Variants in KICS2 observed in about 807,000 individuals in gnomAD.
The protein encoded by KICS2 is KICSTOR subunit 2.
KICS2 carries 13 observed loss-of-function variants against 31.4 expected under a neutral mutation model. The ratio of observed to expected loss-of-function variants is 0.41; its 90% confidence interval spans 0.27 to 0.66. The LOEUF (loss-of-function observed/expected upper bound fraction) is 0.66. Ranked by LOEUF, KICS2 falls within the 30% of genes least tolerant of loss-of-function variation. The probability of loss-of-function intolerance (pLI) is 0.28; values close to 1 mark genes in which losing one functional copy is unlikely to be tolerated. For missense variants in KICS2, 455 were observed against 545.4 expected, an observed-to-expected ratio of 0.83 and a Z score of 1.65; for synonymous variants, 209 against 214.8, an observed-to-expected ratio of 0.97 and a Z score of 0.24.
intron 2 of KICS2, among the ~76,000 whole-genome samples, chr12:64,207,007 A>G (rs1712930001): frequency 6.6e-6 from 1 of 152,146 alleles, no homozygotes; most frequent in Admixed American, 6.6e-5. Flanking sequence ...ACATAAAAAA[A>G]GTTAAAATGG....
chr12:64,213,363 G>C (rs993511658), intron 2 of KICS2, among the ~76,000 whole-genome samples: 19 of 152,060 alleles, frequency 1.2e-4, no homozygotes, highest in Non-Finnish European at 2.5e-4. Context: ...ATACACAAAA[G>C]AATATGGGCT....
chr12:64,193,800 G>A lies in KICS2; in HGVS notation c.*42C>T, dbSNP rs1469449690. The A allele has an allele frequency of 6.4e-7, 1 of 1,567,520 alleles. No individual in the cohort carries two copies. The highest frequency in any genetic ancestry group is 1.8e-5 in the Admixed American group (1 of 54,300). ...CACCGTAGATCATTAGGGCAATTAA[G>A]AACAGTTTCTAGTCTTGAAACCCCT... On this transcript the variant is annotated 3_prime_UTR_variant, in exon 3 of 3. Transcript: ENST00000398055.
intron 2 of KICS2, among the ~76,000 whole-genome samples, chr12:64,201,631 A>AGC (rs200185465): frequency 3.4e-4 from 50 of 148,258 alleles, no homozygotes; most frequent in African/African-American, 1.3e-3. Flanking sequence ...AAAAAAAAAA[A>AGC]AACAAAATGG....
chr12:64,204,635 A>C (rs948842267), intron 2 of KICS2, among the ~76,000 whole-genome samples: 3 of 152,216 alleles, frequency 2.0e-5, no homozygotes, highest in Non-Finnish European at 2.9e-5. Flanking sequence ...AAAAACTTAA[A>C]GTATAAAAAA....
chr12:64,209,187 AATAATT>A (rs1209484404), intron 2 of KICS2, among the ~76,000 whole-genome samples: 3 of 152,036 alleles, frequency 2.0e-5, no homozygotes, highest in Non-Finnish European at 4.4e-5. Context: ...AAACTTATAT[AATAATT>A]ATATTATTAA....
At chr12:64,219,500 G>A (rs2037659389) in intron 1 of KICS2, among the ~76,000 whole-genome samples, 1 of 152,122 alleles carries the variant, frequency 6.6e-6, no homozygotes, top group Non-Finnish European at 1.5e-5. Flanking sequence ...TAAAGGCCCT[G>A]CTTGCTTCTT....
chr12:64,196,284 TCCTGACC>T (rs200498026), intron 2 of KICS2, among the ~76,000 whole-genome samples: 63,621 of 145,406 alleles, frequency 0.44, 12,561 homozygotes, highest in Non-Finnish European at 0.48. Flanking sequence ...TCAAGTGGGT[TCCTGACC>T]CCTGACCCCC....
intron 1 of KICS2, among the ~76,000 whole-genome samples, chr12:64,219,244 T>C (rs1261393974): frequency 6.6e-6 from 1 of 152,170 alleles, no homozygotes; most frequent in Non-Finnish European, 1.5e-5. Flanking sequence ...TCTACTATGC[T>C]AAATTTCAGC....
At chr12:64,205,009 T>C (rs757096492) in intron 2 of KICS2, 8 of 152,232 alleles carry the variant, frequency 5.3e-5, no homozygotes, top group Non-Finnish European at 1.0e-4. Flanking sequence ...TTTAGGCCCC[T>C]TGACACTTAT....
At chr12:64,208,272 G>C (rs1275970979) in intron 2 of KICS2, among the ~76,000 whole-genome samples, 1 of 152,248 alleles carries the variant, frequency 6.6e-6, no homozygotes, top group Non-Finnish European at 1.5e-5. Flanking sequence ...GCCTCCCAAA[G>C]TGCTGGGATT....
Position 64,193,223 on chromosome 12 carries a change from G to A in KICS2, c.*619C>T, listed in dbSNP as rs2037398344. 1 of 985,352 alleles carries A rather than the reference G, an allele frequency of 1.0e-6. No individual in the cohort carries two copies. The highest frequency in any genetic ancestry group is 6.2e-5 in the Admixed American group (1 of 16,256). 61.0% of individuals were successfully genotyped at this position (985,352 alleles called of 1,614,324 possible). A position where few individuals can be genotyped will look rare whatever the true frequency, so the allele number is the denominator to read the frequency against. ...AACCCATGGCTATTAAAGCTGCCAT[G>A]AGGATCTTCTGAACTGTTAAAACCT... On this transcript the variant is annotated 3_prime_UTR_variant, in exon 3 of 3. Transcript: ENST00000398055.
Position 64,192,130 on chromosome 12 carries a change from CTT to C in KICS2, c.*1710_*1711del, listed in dbSNP as rs568712559. ...CAGTAGATTCTTGGTTCTTCTTCTT[CTT>C]TTTTTTTTTTTGAGACAGGTCTCGC... On this transcript the variant is annotated 3_prime_UTR_variant, in exon 3 of 3. Transcript: ENST00000398055. The C allele has an allele frequency of 1.3e-4, 17 of 134,822 alleles. No individual in the cohort carries two copies. The highest frequency in any genetic ancestry group is 8.0e-5 in the Non-Finnish European group (5 of 62,568). The allele number at this position is 134,822 out of a possible 1,614,324, so 8.4% of individuals were successfully genotyped here.
intron 2 of KICS2, among the ~76,000 whole-genome samples, chr12:64,202,225 GA>G (rs2037497055): frequency 6.6e-6 from 1 of 152,084 alleles, no homozygotes; most frequent in African/African-American, 2.4e-5. Context: ...GGGCAACATG[GA>G]AAAACTCCAT....
downstream of KICS2, chr12:64,187,677 T>A (rs1443344436): frequency 6.5e-7 from 1 of 1,532,354 alleles, no homozygotes; most frequent in Admixed American, 2.0e-5. Flanking sequence ...GAGAGGGAAT[T>A]GCTAAATTAA....
Position 64,193,528 on chromosome 12 carries a change from C to G in KICS2, c.*314G>C. ...CACAATGTTTAGAACAACAGAAAAACATATGGGAAAAAAAAAAGCCCAATA... is the reference window on the plus strand; with the variant it reads ...CACAATGTTTAGAACAACAGAAAAAGATATGGGAAAAAAAAAAGCCCAATA... On this transcript the variant is annotated 3_prime_UTR_variant, in exon 3 of 3. Coordinates refer to ENST00000398055, the MANE Select transcript of KICS2 (RefSeq NM_152440.5). 1 of 1,085,494 alleles carries G rather than the reference C, an allele frequency of 9.2e-7. No homozygotes were observed. Among genetic ancestry groups the G allele is most frequent in the Non-Finnish European group, 1.1e-6 (1 of 895,244 alleles). The allele number at this position is 1,085,494 out of a possible 1,614,324, so 67.2% of individuals were successfully genotyped here.
chr12:64,219,393 A>G (rs934483595), intron 1 of KICS2, among the ~76,000 whole-genome samples: 21 of 152,166 alleles, frequency 1.4e-4, no homozygotes, highest in African/African-American at 4.8e-5. Context: ...CTCTTAAAGG[A>G]AAGAGAAGGA....
chr12:64,195,743 C>T (rs574374063), intron 2 of KICS2, among the ~76,000 whole-genome samples: 539 of 152,032 alleles, frequency 3.5e-3, no homozygotes, highest in African/African-American at 0.011. Flanking sequence ...AGTGGGTGCA[C>T]GCACCGTGCG....
intron 2 of KICS2, among the ~76,000 whole-genome samples, chr12:64,203,421 T>C (rs2037508561): frequency 6.6e-6 from 1 of 152,152 alleles, no homozygotes; most frequent in African/African-American, 2.4e-5. Context: ...GCGCTTACAC[T>C]CTTCCTAAAG....
At position 64,191,363 on chromosome 12, in the gene KICS2, CTTT is replaced by C. The variant is rs1283465687; in HGVS notation, c.*2476_*2478del. ...CATCTGCCTTCTGTTCTTTGAAATT[CTTT>C]TTGTGTTTATGTTTAAAAATAGATA... is the stretch of plus-strand genomic sequence containing the variant. On this transcript the variant is annotated 3_prime_UTR_variant, in exon 3 of 3. Transcript: ENST00000398055. 1.3e-5 allele frequency: 2 copies of C among 152,030 alleles called. No individual in the cohort carries two copies. Among genetic ancestry groups the C allele is most frequent in the Non-Finnish European group, 2.9e-5 (2 of 67,986 alleles). The allele number at this position is 152,030 out of a possible 1,614,324, so 9.4% of individuals were successfully genotyped here.
Sources: allele counts gnomAD v4.1 joint callset (sites outside exome capture counted in the v4.1 genomes callset), GRCh38; gene constraint gnomAD v4.1.1; transcripts MANE v1.5; gene names NCBI Gene and HGNC (gene_info 2026-07-23, HGNC 2026-07-21).